GTF3A: variants seen among roughly 807,000 people sequenced by gnomAD.
GTF3A encodes transcription factor IIIA.
A neutral mutation model predicts 37.6 loss-of-function variants in GTF3A; 40 were observed. That is an observed-to-expected ratio of 1.06 (90% CI 0.83 to 1.38). The LOEUF is 1.38. Ranked by LOEUF, GTF3A falls within the 40% of genes most tolerant of loss-of-function variation. The pLI is 0.00. For synonymous variants in GTF3A, 191 were observed against 166.7 expected, an observed-to-expected ratio of 1.15 and a Z score of -1.12; for missense variants, 500 against 462.6, an observed-to-expected ratio of 1.08 and a Z score of -0.74.
At chr13:27,433,694 G>A (rs1047293349) in intron 5 of GTF3A, among the ~76,000 whole-genome samples, 4 of 152,136 alleles carry the variant, frequency 2.6e-5, no homozygotes, top group South Asian at 2.1e-4. Flanking sequence ...GGGACCGACT[G>A]CAGAGTATGT....
Position 27,432,803 on chromosome 13 carries a change from G to T in GTF3A, c.561G>T (p.Glu187Asp). The T allele has an allele frequency of 6.3e-7, 1 of 1,598,252 alleles. No individual in the cohort carries two copies. Among genetic ancestry groups the T allele is most frequent in the Non-Finnish European group, 8.5e-7 (1 of 1,171,940 alleles). ...TGAAACGACATGCCAAGGCCCACGA[G>T]GGTGTGTACGGATAGCCTGGGTGTG... Residue 187 changes from glutamate to aspartate, a missense_variant and splice_region_variant, in exon 5 of 9, where the codon GAG (glutamate) becomes GAT (aspartate). Glu to Asp is a conservative substitution (Grantham distance 45, BLOSUM62 2). Coordinates refer to ENST00000381140, the MANE Select transcript of GTF3A (RefSeq NM_002097.3).
Position 27,434,198 on chromosome 13 carries a change from CAT to C in GTF3A, c.623_624del (p.His208ArgfsTer6), listed in dbSNP as rs767054884. 3.5e-5 allele frequency: 47 copies of C among 1,336,596 alleles called. No individual in the cohort carries two copies. Among genetic ancestry groups the C allele is most frequent in the Non-Finnish European group, 4.7e-5 (44 of 926,726 alleles). The allele number at this position is 1,336,596 out of a possible 1,614,324, so 82.8% of individuals were successfully genotyped here. On this transcript the variant is annotated frameshift_variant, in exon 6 of 9. Coordinates refer to ENST00000381140, the MANE Select transcript of GTF3A (RefSeq NM_002097.3). LOFTEE classifies it high-confidence loss of function. Reference sequence around the variant, plus strand: ...AAAAACATGGACGGAACTTCTGAAACATGTGAGAGAAACCCATAAAGGTAAGG... The same window carrying C: ...AAAAACATGGACGGAACTTCTGAAACGTGAGAGAAACCCATAAAGGTAAGG...
rs1175983809 is a variant in GTF3A at position 27,434,901 on chromosome 13, G to A, written c.740G>A (p.Arg247His). ...CATGCCCCAGAAAGGGATGTATGTC[G>A]CTGTCCAAGAGAAGGCTGTGGAAGA... The change falls in exon 7 of 9, where the codon CGC (arginine) becomes CAC (histidine). Residue 247 changes from arginine to histidine, a missense_variant. By Grantham distance (29) the Arg-to-His change is conservative (BLOSUM62 0). Transcript: ENST00000381140. 4.3e-6 allele frequency: 7 copies of A among 1,610,478 alleles called. No homozygotes were observed. Among genetic ancestry groups the A allele is most frequent in the African/African-American group, 1.3e-5 (1 of 74,850 alleles).
At chr13:27,435,367 A>G (rs1482515646) in intron 8 of GTF3A, 66 bp from the exon 9 acceptor site, 20 of 1,486,692 alleles carry the variant, frequency 1.3e-5, no homozygotes, top group Non-Finnish European at 1.8e-5. Flanking sequence ...ACATATGACT[A>G]TCGTAAAATT....
Position 27,427,087 on chromosome 13 carries a change from G to C in GTF3A, c.202-5G>C. 1 of 1,502,414 alleles carries C rather than the reference G, an allele frequency of 6.7e-7. No homozygotes were observed. The allele number at this position is 1,502,414 out of a possible 1,614,324, so 93.1% of individuals were successfully genotyped here. A position where few individuals can be genotyped will look rare whatever the true frequency, so the allele number is the denominator to read the frequency against. On this transcript the variant is annotated splice_region_variant and splice_polypyrimidine_tract_variant and intron_variant, in intron 1 of 8. Transcript: ENST00000381140. ...AGTGACATGCTTTTTCTTTTTTCCT[G>C]CTAGAGACCATTTGTTTGTGACTAT...
intron 2 of GTF3A, among the ~76,000 whole-genome samples, chr13:27,428,778 A>G (rs1288473888): frequency 6.6e-6 from 1 of 152,168 alleles, no homozygotes; most frequent in Non-Finnish European, 1.5e-5. Flanking sequence ...AAATACAGAA[A>G]TACAGAGGCA....
chr13:27,425,293 ACC>A (rs2138020034), intron 1 of GTF3A: 2 of 247,644 alleles, frequency 8.1e-6, no homozygotes, highest in Non-Finnish European at 7.8e-6. Context: ...GGTTACATGT[ACC>A]AGGGGTCGTG....
At chr13:27,426,741 G>C (rs1005486601) in intron 1 of GTF3A, among the ~76,000 whole-genome samples, 2 of 152,144 alleles carry the variant, frequency 1.3e-5, no homozygotes, top group African/African-American at 4.8e-5. Context: ...ATCATGCGGT[G>C]GTGGGGATCC....
chr13:27,429,379 A>T (rs907896164), intron 2 of GTF3A: 2 of 151,494 alleles, frequency 1.3e-5, no homozygotes, highest in African/African-American at 4.8e-5. Flanking sequence ...AAGGGGAACC[A>T]GAATGGCTTG....
At chr13:27,432,354 C>T (rs553111240) in intron 4 of GTF3A, among the ~76,000 whole-genome samples, 7 of 152,142 alleles carry the variant, frequency 4.6e-5, no homozygotes, top group Non-Finnish European at 8.8e-5. Context: ...TCGCACACCC[C>T]CTATGCAGCA....
At position 27,427,075 on chromosome 13, in the gene GTF3A, T is replaced by C; in HGVS notation, c.202-17T>C. ...AACTAGTGCAGAAGTGACATGCTTT[T>C]TCTTTTTTCCTGCTAGAGACCATTT... On this transcript the variant is annotated splice_polypyrimidine_tract_variant and intron_variant, in intron 1 of 8. Coordinates refer to ENST00000381140, the MANE Select transcript of GTF3A (RefSeq NM_002097.3). 7.3e-7 allele frequency: 1 copy of C among 1,362,296 alleles called. No homozygotes were observed. The highest frequency in any genetic ancestry group is 1.0e-6 in the Non-Finnish European group (1 of 953,190). 84.4% of individuals were successfully genotyped at this position (1,362,296 alleles called of 1,614,324 possible). A position where few individuals can be genotyped will look rare whatever the true frequency, so the allele number is the denominator to read the frequency against.
intron 5 of GTF3A, among the ~76,000 whole-genome samples, chr13:27,433,020 CACA>C (rs1226507238): frequency 6.6e-6 from 1 of 152,092 alleles, no homozygotes; most frequent in Non-Finnish European, 1.5e-5. Context: ...GTTGTTTGTT[CACA>C]ACAAGCGCCT....
chr13:27,425,314 A>C, intron 1 of GTF3A: 1 of 216,064 alleles, frequency 4.6e-6, no homozygotes, highest in Admixed American at 5.9e-5. Flanking sequence ...TGAAAGCAGC[A>C]TGTGCTCATT....
chr13:27,431,740 G>A (rs566350083), intron 4 of GTF3A, among the ~76,000 whole-genome samples: 7 of 152,162 alleles, frequency 4.6e-5, no homozygotes, highest in East Asian at 1.9e-4. Flanking sequence ...ATTCATCCAC[G>A]TAACGAAAAA....
chr13:27,425,242 C>A (rs1382451954), intron 1 of GTF3A: 2 of 356,616 alleles, frequency 5.6e-6, no homozygotes, highest in Non-Finnish European at 1.0e-5. Context: ...CGCTACTAGA[C>A]ACCTGCCAAA....
In GTF3A at chr13:27,427,306, G is replaced by C; in HGVS notation, c.302+114G>C. ...AGGAATGTGAAGCCTGGCAGGGCTC[G>C]GTGGCTCATGCCTGTAATCCCAGCA... On this transcript the variant is annotated intron_variant, in intron 2 of 8. Coordinates refer to ENST00000381140, the MANE Select transcript of GTF3A (RefSeq NM_002097.3). 8 of 664,616 alleles carry C rather than the reference G, an allele frequency of 1.2e-5. 1 individual carries two copies. Among genetic ancestry groups the C allele is most frequent in the South Asian group, 9.9e-5 (6 of 60,718 alleles). The allele number at this position is 664,616 out of a possible 1,614,324, so 41.2% of individuals were successfully genotyped here. A position where few individuals can be genotyped will look rare whatever the true frequency, so the allele number is the denominator to read the frequency against.
In GTF3A at chr13:27,432,711, C is replaced by G. The variant is rs775713824; in HGVS notation, c.489-20C>G. ...TCTGTGAAAATGGATTGGCTAATAC[C>G]TCATGTGTTGCCAATGCAGGTGTAC... On this transcript the variant is annotated intron_variant, in intron 4 of 8. Coordinates refer to ENST00000381140, the MANE Select transcript of GTF3A (RefSeq NM_002097.3). 6.3e-7 allele frequency: 1 copy of G among 1,587,186 alleles called. No individual in the cohort carries two copies. Among genetic ancestry groups the G allele is most frequent in the African/African-American group, 1.3e-5 (1 of 74,380 alleles).
intron 5 of GTF3A, among the ~76,000 whole-genome samples, chr13:27,433,052 C>T (rs1052088792): frequency 4.6e-5 from 7 of 152,164 alleles, no homozygotes; most frequent in Admixed American, 1.3e-4. Context: ...ATTACACTGA[C>T]GAATGTGCTG....
In GTF3A at chr13:27,435,610, T is replaced by C; in HGVS notation, c.*13T>C. The C allele has an allele frequency of 6.2e-7, 1 of 1,613,374 alleles. No homozygotes were observed. Among genetic ancestry groups the C allele is most frequent in the Non-Finnish European group, 8.5e-7 (1 of 1,179,414 alleles). On this transcript the variant is annotated 3_prime_UTR_variant, in exon 9 of 9. Coordinates refer to ENST00000381140, the MANE Select transcript of GTF3A (RefSeq NM_002097.3). ...TACCCTTGGCTAAGAACTGCACTGC[T>C]TTGTTTAAAGGACTGCAGACCAAGG...
Sources: gnomAD v4.1 joint callset for allele counts (sites outside exome capture counted in the v4.1 genomes callset) on GRCh38, gnomAD v4.1.1 for gene constraint, MANE v1.5 for transcripts, NCBI Gene and HGNC (gene_info 2026-07-23, HGNC 2026-07-21) for gene names.